MORN1: variants seen among roughly 807,000 people sequenced by gnomAD.
MORN1 encodes MORN repeat containing 1.
A neutral mutation model predicts 61.9 loss-of-function variants in MORN1; 67 were observed. That is an observed-to-expected ratio of 1.08 (90% CI 0.89 to 1.33). MORN1 has a LOEUF of 1.33. Among genes scored for constraint, MORN1 ranks in the 40% most tolerant of loss-of-function variants. MORN1 has a pLI of 0.00. For missense variants in MORN1, 752 were observed against 691.2 expected (o/e 1.09, Z -0.99); for synonymous variants, 301 against 292.0 (o/e 1.03, Z -0.31).
intron 10 of MORN1, among the ~76,000 whole-genome samples, chr1:2,348,761 A>ACG (rs1641580802): frequency 1.4e-5 from 2 of 141,566 alleles, no homozygotes; most frequent in Middle Eastern, 3.6e-3. Context: ...ACACACACGC[A>ACG]CACCTGCGCA....
intron 8 of MORN1, among the ~76,000 whole-genome samples, chr1:2,361,711 T>C (rs865785142): frequency 3.3e-5 from 5 of 152,212 alleles, no homozygotes; most frequent in African/African-American, 1.2e-4. Context: ...GGAAATGCAG[T>C]TGACCCTTGG....
intron 10 of MORN1, among the ~76,000 whole-genome samples, chr1:2,342,580 A>G (rs1434837650): frequency 6.6e-6 from 1 of 152,104 alleles, no homozygotes; most frequent in East Asian, 1.9e-4. Context: ...GGGGGCACAC[A>G]AGACACATGG....
At chr1:2,322,270 C>G (rs1216279350) in intron 13 of MORN1, 1 of 985,486 alleles carries the variant, frequency 1.0e-6, no homozygotes, top group Non-Finnish European at 1.2e-6. Flanking sequence ...ATCCTCTCCC[C>G]TCCCCTGAGC....
intron 10 of MORN1, among the ~76,000 whole-genome samples, chr1:2,341,115 C>T (rs948664403): frequency 6.6e-6 from 1 of 152,240 alleles, no homozygotes; most frequent in Non-Finnish European, 1.5e-5. Flanking sequence ...TCTGGTGGCT[C>T]CTCCCGACGG....
At chr1:2,378,945 T>C (rs1357556971) in intron 6 of MORN1, 3 of 461,136 alleles carry the variant, frequency 6.5e-6, no homozygotes, top group Non-Finnish European at 1.3e-5. Context: ...CTTCTCTGCT[T>C]TGGGATCCGC....
intron 10 of MORN1, among the ~76,000 whole-genome samples, chr1:2,348,256 G>T (rs1007013013): frequency 5.9e-5 from 9 of 152,236 alleles, no homozygotes; most frequent in African/African-American, 2.2e-4. Context: ...AGAGACCCGG[G>T]TTACGCATCT....
intron 6 of MORN1, chr1:2,374,783 T>G (rs749320295): frequency 1.2e-5 from 6 of 511,316 alleles, no homozygotes; most frequent in Non-Finnish European, 2.1e-5. Flanking sequence ...TTTGGAATTT[T>G]AACGATGCCA....
chr1:2,379,144 G>A (rs909275768), intron 6 of MORN1: 3 of 471,068 alleles, frequency 6.4e-6, no homozygotes, highest in Non-Finnish European at 1.3e-5. Flanking sequence ...TCCCGGAGGG[G>A]CCTCACCAAC....
chr1:2,371,854 G>A (rs1467093161), intron 8 of MORN1: 1 of 175,314 alleles, frequency 5.7e-6, no homozygotes, highest in East Asian at 1.9e-4. Context: ...GTTGCGGAGA[G>A]CCGACATTGC....
intron 13 of MORN1, chr1:2,323,548 G>A (rs1219493038): frequency 3.0e-6 from 3 of 985,230 alleles, no homozygotes; most frequent in Non-Finnish European, 2.4e-6. Flanking sequence ...CTTGGTGGGG[G>A]GGTGCCAGGC....
At chr1:2,325,822 A>T (rs1641015422) in intron 12 of MORN1, among the ~76,000 whole-genome samples, 1 of 151,772 alleles carries the variant, frequency 6.6e-6, no homozygotes, top group African/African-American at 2.4e-5. Flanking sequence ...ATGGGGTCTC[A>T]CTATGTTGCC....
At chr1:2,324,068 G>A (rs773772781) in intron 13 of MORN1, 29 bp downstream of exon 13, 21 of 1,582,830 alleles carry the variant, frequency 1.3e-5, no homozygotes, top group South Asian at 8.0e-5. Flanking sequence ...TGGCACAGCC[G>A]GCGATGGACT....
chr1:2,351,853 C>T (rs560444176), intron 10 of MORN1: 30 of 510,414 alleles, frequency 5.9e-5, no homozygotes, highest in Middle Eastern at 8.4e-4. Context: ...CTCTTGCCCA[C>T]GGTCACGACT....
At chr1:2,343,785 G>T (rs2100271939) in intron 10 of MORN1, among the ~76,000 whole-genome samples, 1 of 152,280 alleles carries the variant, frequency 6.6e-6, no homozygotes, top group Admixed American at 6.5e-5. Flanking sequence ...GCCTCCCCAG[G>T]CTTCTAAACA....
At chr1:2,348,463 C>G (rs1641562290) in intron 10 of MORN1, among the ~76,000 whole-genome samples, 1 of 152,188 alleles carries the variant, frequency 6.6e-6, no homozygotes, top group East Asian at 1.9e-4. Flanking sequence ...CCTGCCCCAG[C>G]CTGGATCCGC....
intron 8 of MORN1, among the ~76,000 whole-genome samples, chr1:2,366,985 TACATAGAAAAAC>T (rs1269075017): frequency 1.5e-5 from 1 of 68,774 alleles, no homozygotes; most frequent in South Asian, 5.7e-4. Context: ...CATAGAAAAA[TACATAGAAAAAC>T]ACATAGAAAA....
At chr1:2,347,157 C>A (rs1318100034) in intron 10 of MORN1, among the ~76,000 whole-genome samples, 2 of 152,206 alleles carry the variant, frequency 1.3e-5, no homozygotes, top group African/African-American at 2.4e-5. Context: ...TGGGATGCCG[C>A]CCCCACACAG....
rs1363148164 is a variant in MORN1 at position 2,334,275 on chromosome 1, G to T, written c.1250+2194C>A. On this transcript the variant is annotated intron_variant, in intron 12 of 13. Transcript: ENST00000378531. The surrounding 1 kb of genome is among the most constrained non-coding windows in gnomAD (Gnocchi z 5.4). ...TGTAAGAACGGTAAGGGATCACGTG[G>T]CTACAAGGAACTGGTGGTGGGGGTC... Among the ~76,000 whole-genome samples the T allele has an allele frequency of 6.6e-6, 1 of 152,092 alleles. No homozygotes were observed. The highest frequency in any genetic ancestry group is 1.5e-5 in the Non-Finnish European group (1 of 68,006).
At chr1:2,342,945 C>T (rs920497351) in intron 10 of MORN1, among the ~76,000 whole-genome samples, 4 of 143,826 alleles carry the variant, frequency 2.8e-5, no homozygotes, top group African/African-American at 1.0e-4. Context: ...CCCTTTGTGG[C>T]CCAGGCTGGC....
Sources: allele counts gnomAD v4.1 joint callset (sites outside exome capture counted in the v4.1 genomes callset), GRCh38; gene constraint gnomAD v4.1.1; non-coding constraint Gnocchi (gnomAD v3.1); transcripts MANE v1.5; gene names NCBI Gene and HGNC (gene_info 2026-07-23, HGNC 2026-07-21).